The following IPO8 variants were observed in gnomAD, a reference collection of about 807,000 sequenced individuals.
The protein encoded by IPO8 is importin 8, also known as importin-8.
A neutral mutation model predicts 141.2 loss-of-function variants in IPO8; 65 were observed. That is an observed-to-expected ratio of 0.46 (90% CI 0.38 to 0.57). The LOEUF (loss-of-function observed/expected upper bound fraction) is 0.57, where lower values mean the gene tolerates loss of function less well. Ranked by LOEUF, IPO8 falls within the 20% of genes least tolerant of loss-of-function variation. The pLI, the probability that IPO8 is intolerant of heterozygous loss-of-function variation, is 0.00. For synonymous variants in IPO8, 411 were observed against 420.3 expected (o/e 0.98, Z 0.27); for missense variants, 980 against 1,246.8 (o/e 0.79, Z 3.22).
chr12:30,679,511 A>G (rs1565508737), intron 5 of IPO8, among the ~76,000 whole-genome samples: 1 of 152,088 alleles, frequency 6.6e-6, no homozygotes, highest in Admixed American at 6.6e-5. Context: ...ATATTTTCCT[A>G]GTATTCTAGT....
At chr12:30,657,922 T>A (rs1339031056) in intron 16 of IPO8, among the ~76,000 whole-genome samples, 1 of 152,040 alleles carries the variant, frequency 6.6e-6, no homozygotes. Context: ...AGGAAAAAAA[T>A]AGCTGCTTCC....
Position 30,629,290 on chromosome 12 carries a change from TA to T in IPO8, c.*1569del, listed in dbSNP as rs1252287183. 4.6e-5 allele frequency: 7 copies of T among 152,226 alleles called. No homozygotes were observed. Among genetic ancestry groups the T allele is most frequent in the African/African-American group, 1.7e-4 (7 of 41,464 alleles). 9.4% of individuals were successfully genotyped at this position (152,226 alleles called of 1,614,324 possible). On this transcript the variant is annotated 3_prime_UTR_variant, in exon 25 of 25. Coordinates refer to ENST00000256079, the MANE Select transcript of IPO8 (RefSeq NM_006390.4). ...GAGAATAAAGAGTTTGAAAGCTCTC[TA>T]AAATTTCTCCCAATGCCATCTTTCG...
intron 8 of IPO8, 76 bp from the exon 9 acceptor site, chr12:30,671,172 A>G: frequency 1.1e-6 from 1 of 913,704 alleles, no homozygotes; most frequent in East Asian, 2.4e-5. Context: ...TTTTGGCATG[A>G]CCTAAAATTC....
At chr12:30,644,616 C>G (rs1370058990) in intron 20 of IPO8, among the ~76,000 whole-genome samples, 1 of 149,536 alleles carries the variant, frequency 6.7e-6, no homozygotes, top group Admixed American at 6.7e-5. Context: ...AAACAAACCT[C>G]AAAGATGTAC....
intron 5 of IPO8, 31 bp downstream of exon 5, chr12:30,680,451 T>TC: frequency 6.4e-7 from 1 of 1,572,694 alleles, no homozygotes. Flanking sequence ...AATACAGGAC[T>TC]CCATGTTTGT....
chr12:30,634,844 A>G (rs1013247424), intron 22 of IPO8, among the ~76,000 whole-genome samples: 1 of 152,140 alleles, frequency 6.6e-6, no homozygotes, highest in East Asian at 1.9e-4. Flanking sequence ...AATATTTTAA[A>G]TCAATACGTA....
At chr12:30,671,229 T>G (rs1391322119) in intron 8 of IPO8, 133 bp from the exon 9 acceptor site, 4 of 603,772 alleles carry the variant, frequency 6.6e-6, no homozygotes, top group Non-Finnish European at 1.2e-5. Flanking sequence ...ATCAATGTTT[T>G]GTAAGAAAGC....
At chr12:30,664,982 C>T (rs1273971284) in intron 13 of IPO8, among the ~76,000 whole-genome samples, 1 of 152,146 alleles carries the variant, frequency 6.6e-6, no homozygotes, top group African/African-American at 2.4e-5. Flanking sequence ...TCAAGTGATC[C>T]GCCCACCTCA....
chr12:30,635,181 T>C (rs770400647), intron 22 of IPO8, among the ~76,000 whole-genome samples: 23 of 152,188 alleles, frequency 1.5e-4, no homozygotes, highest in Non-Finnish European at 2.5e-4. Flanking sequence ...AATATGGGAA[T>C]GTTGGTAAAA....
rs1402186508 is a variant in IPO8, at chr12:30,629,840, G to A, written c.*1020C>T. 6.6e-6 allele frequency: 1 copy of A among 151,984 alleles called. No homozygotes were observed. The highest frequency in any genetic ancestry group is 2.4e-5 in the African/African-American group (1 of 41,356). The allele number at this position is 151,984 out of a possible 1,614,324, so 9.4% of individuals were successfully genotyped here. A position where few individuals can be genotyped will look rare whatever the true frequency, so the allele number is the denominator to read the frequency against. ...AGAAAGCAAGAAGTTAGATTTGTTT[G>A]GGTCTTTTTCCTAGATTAAAAAAAA... On this transcript the variant is annotated 3_prime_UTR_variant, in exon 25 of 25. Transcript: ENST00000256079.
intron 1 of IPO8, among the ~76,000 whole-genome samples, chr12:30,692,849 A>C (rs1427612294): frequency 3.9e-5 from 6 of 152,128 alleles, no homozygotes; most frequent in Admixed American, 3.9e-4. Flanking sequence ...TTCTTCAGAG[A>C]ATGGCTATAC....
intron 3 of IPO8, among the ~76,000 whole-genome samples, chr12:30,683,819 C>A (rs1469595086): frequency 1.3e-5 from 2 of 152,166 alleles, no homozygotes; most frequent in Non-Finnish European, 2.9e-5. Context: ...GGAGACAGTT[C>A]TTCTAGTTTA....
rs188823774 is a variant in IPO8 at position 30,658,747 on chromosome 12, G to A, written c.1882-1997C>T. The stretch of plus-strand genomic sequence containing the variant: ...TTAAATTTACTTGTAATTTAATTTG[G>A]AACATCTCACTGTTACCAAGAGGAC... On this transcript the variant is annotated intron_variant, in intron 16 of 24. Transcript: ENST00000256079. Among the ~76,000 whole-genome samples, 607 of 151,914 alleles carry A rather than the reference G, an allele frequency of 4.0e-3. 1 individual carries two copies. Among genetic ancestry groups the A allele is most frequent in the Non-Finnish European group, 6.8e-3 (461 of 67,984 alleles).
Position 30,695,554 on chromosome 12 carries a change from C to G in IPO8, c.84+10G>C. 6.2e-7 allele frequency: 1 copy of G among 1,612,690 alleles called. No homozygotes were observed. Among genetic ancestry groups the G allele is most frequent in the Non-Finnish European group, 8.5e-7 (1 of 1,178,952 alleles). On this transcript the variant is annotated intron_variant, in intron 1 of 24. Transcript: ENST00000256079. The surrounding 1 kb of genome is among the most constrained non-coding windows in gnomAD (Gnocchi z 4.2). ...CGGCGGAAGAGGGTCGCCGAAGACC[C>G]TCTCCTCACCTGGTTGAGCTCGTTC...
chr12:30,645,514 G>T (rs1011002216), intron 20 of IPO8, among the ~76,000 whole-genome samples: 1 of 151,672 alleles, frequency 6.6e-6, no homozygotes, highest in Non-Finnish European at 1.5e-5. Flanking sequence ...GCAAGCAGAC[G>T]GGAAAAAATA....
chr12:30,648,692 G>GA lies in IPO8; in HGVS notation c.2268+444dup, dbSNP rs1038241649. Among the ~76,000 whole-genome samples, 121 of 151,980 alleles carry GA rather than the reference G, an allele frequency of 8.0e-4. No homozygotes were observed. In the Middle Eastern group the frequency reaches 0.01, roughly 13 times the overall value. ...TATCAAAAATTGCATTAATCTTGTT[G>GA]AAAAAAGATTAAAAATTTATAACAT... is the stretch of plus-strand genomic sequence containing the variant. On this transcript the variant is annotated intron_variant, in intron 20 of 24. Transcript: ENST00000256079.
At chr12:30,647,560 G>C (rs2052664405) in intron 20 of IPO8, among the ~76,000 whole-genome samples, 1 of 126,586 alleles carries the variant, frequency 7.9e-6, no homozygotes, top group Non-Finnish European at 1.6e-5. Flanking sequence ...AGCCAAGATT[G>C]TGCCACTGCA....
intron 3 of IPO8, 45 bp downstream of exon 3, chr12:30,684,256 C>T (rs898636871): frequency 6.3e-7 from 1 of 1,577,808 alleles, no homozygotes; most frequent in Non-Finnish European, 8.7e-7. Context: ...TCAGATCTAA[C>T]CATTTCATGC....
intron 16 of IPO8, 49 bp from the exon 17 acceptor site, chr12:30,656,799 ATAAAT>A (rs1326867776): frequency 2.3e-6 from 2 of 851,988 alleles, no homozygotes; most frequent in South Asian, 2.0e-5. Context: ...TAATTAATAC[ATAAAT>A]TTAATATTGT....
Sources: gnomAD v4.1 joint callset for allele counts (sites outside exome capture counted in the v4.1 genomes callset) on GRCh38, gnomAD v4.1.1 for gene constraint, Gnocchi (gnomAD v3.1) non-coding constraint, MANE v1.5 for transcripts, NCBI Gene and HGNC (gene_info 2026-07-23, HGNC 2026-07-21) for gene names.